Variants in KIF2A observed in about 807,000 individuals in gnomAD.
KIF2A encodes kinesin family member 2A, also known as kinesin-like protein KIF2A.
KIF2A carries 22 observed loss-of-function variants against 100.2 expected under a neutral mutation model. That is an observed-to-expected ratio of 0.22 (90% CI 0.16 to 0.31). The LOEUF (loss-of-function observed/expected upper bound fraction) is 0.31. KIF2A is among the 10% of genes least tolerant of loss of function. KIF2A has a pLI of 1.00. For missense variants in KIF2A, 495 were observed against 898.7 expected (o/e 0.55, Z 5.74); for synonymous variants, 268 against 285.9 (o/e 0.94, Z 0.63).
At chr5:62,319,141 C>T (rs1177861328) in intron 1 of KIF2A, among the ~76,000 whole-genome samples, 1 of 148,054 alleles carries the variant, frequency 6.8e-6, no homozygotes, top group Non-Finnish European at 1.5e-5. Context: ...GGCCTCTCTA[C>T]CTAGGAGAGT....
intron 7 of KIF2A, 98 bp downstream of exon 7, chr5:62,355,352 T>C (rs1748047008): frequency 3.1e-6 from 2 of 638,506 alleles, no homozygotes; most frequent in East Asian, 5.4e-5. Flanking sequence ...AGCTATGTAG[T>C]TTTTCCTTTC....
intron 18 of KIF2A, among the ~76,000 whole-genome samples, chr5:62,374,194 A>G (rs1333003152): frequency 6.6e-6 from 1 of 152,248 alleles, no homozygotes; most frequent in Non-Finnish European, 1.5e-5. Context: ...CCTAGGTGAC[A>G]GAGCGAGACC....
At position 62,355,267 on chromosome 5, in the gene KIF2A, GTAAACCAT is replaced by G; in HGVS notation, c.654+16_654+23del. 7.5e-7 allele frequency: 1 copy of G among 1,324,618 alleles called. No individual in the cohort carries two copies. The highest frequency in any genetic ancestry group is 1.1e-6 in the Non-Finnish European group (1 of 930,900). The allele number at this position is 1,324,618 out of a possible 1,614,324, so 82.1% of individuals were successfully genotyped here. On this transcript the variant is annotated intron_variant, in intron 7 of 20. Coordinates refer to ENST00000407818, the MANE Select transcript of KIF2A (RefSeq NM_001098511.3). ...AACAGCAGATCCTGTAAGATTCTTT[GTAAACCAT>G]TATTCTGGAACTTTTTATGCTTCAA...
chr5:62,339,698 G>T (rs1341456352), intron 1 of KIF2A, among the ~76,000 whole-genome samples: 1 of 150,090 alleles, frequency 6.7e-6, no homozygotes, highest in Non-Finnish European at 1.5e-5. Context: ...ATACTATATT[G>T]TAGTGAAAAT....
In KIF2A at chr5:62,363,927, G is replaced by A. The variant is rs111550210; in HGVS notation, c.1467+28G>A. 7.1e-5 allele frequency: 108 copies of A among 1,528,376 alleles called. No individual in the cohort carries two copies. In the African/African-American group the frequency reaches 1.2e-3, roughly 17 times the overall value. 94.7% of individuals were successfully genotyped at this position (1,528,376 alleles called of 1,614,324 possible). ...AAATAAAATGTATTTTATCATGAAA[G>A]GTCTTTTACTTTTGACTTTAATTTT... is the stretch of plus-strand genomic sequence containing the variant. On this transcript the variant is annotated intron_variant, in intron 14 of 20. Transcript: ENST00000407818.
chr5:62,314,770 T>TG (rs912945400), intron 1 of KIF2A, among the ~76,000 whole-genome samples: 1 of 147,848 alleles, frequency 6.8e-6, no homozygotes, highest in Admixed American at 6.8e-5. Flanking sequence ...TTTTTTTTTT[T>TG]TTTTTTTTTT....
At chr5:62,375,285 A>G (rs954823285) in intron 18 of KIF2A, among the ~76,000 whole-genome samples, 45 of 152,236 alleles carry the variant, frequency 3.0e-4, no homozygotes, top group South Asian at 2.1e-4. Flanking sequence ...GTGTCATTCT[A>G]TTCCCACTAA....
chr5:62,339,061 A>G (rs1303763014), intron 1 of KIF2A, among the ~76,000 whole-genome samples: 1 of 152,204 alleles, frequency 6.6e-6, no homozygotes, highest in Non-Finnish European at 1.5e-5. Context: ...CCCATCTTTC[A>G]TTGCTATAAA....
Position 62,386,655 on chromosome 5 carries a change from TGAAA to T in KIF2A, c.*1089_*1092del, listed in dbSNP as rs1742039856. ...TTACTCCCTTGAAAAAGAATTAAGT[TGAAA>T]GAGTTGACTTTGCCTTAAAAGGCAG... On this transcript the variant is annotated 3_prime_UTR_variant, in exon 21 of 21. Transcript: ENST00000407818. 6.6e-6 allele frequency among the ~76,000 whole-genome samples: 1 copy of T among 152,214 alleles called. No homozygotes were observed. Among genetic ancestry groups the T allele is most frequent in the Non-Finnish European group, 1.5e-5 (1 of 68,036 alleles).
At chr5:62,363,080 A>T (rs1032753773) in intron 12 of KIF2A, 98 bp from the exon 13 acceptor site, 76 of 974,250 alleles carry the variant, frequency 7.8e-5, no homozygotes, top group Non-Finnish European at 1.1e-4. Context: ...CTCCTGCCTC[A>T]GCCTCCCAAA....
chr5:62,345,188 G>T (rs1253594760), intron 1 of KIF2A, among the ~76,000 whole-genome samples: 1 of 152,246 alleles, frequency 6.6e-6, no homozygotes, highest in South Asian at 2.1e-4. Context: ...AGGAGTTCGA[G>T]ACTAGCCTGG....
At chr5:62,322,713 T>C (rs1316588011) in intron 1 of KIF2A, among the ~76,000 whole-genome samples, 1 of 152,136 alleles carries the variant, frequency 6.6e-6, no homozygotes, top group East Asian at 1.9e-4. Flanking sequence ...GCCTTTTATC[T>C]GTGTACCTAC....
chr5:62,322,898 C>T (rs1205863396), intron 1 of KIF2A, among the ~76,000 whole-genome samples: 2 of 97,422 alleles, frequency 2.1e-5, no homozygotes, highest in Non-Finnish European at 3.9e-5. Context: ...TTTAATGTTA[C>T]TTTAAAATAG....
At chr5:62,343,006 C>A (rs1358158897) in intron 1 of KIF2A, among the ~76,000 whole-genome samples, 1 of 152,156 alleles carries the variant, frequency 6.6e-6, no homozygotes, top group Non-Finnish European at 1.5e-5. Flanking sequence ...CCCGCCTCAG[C>A]CTCCCAAAGT....
At chr5:62,361,567 C>T in intron 11 of KIF2A, 38 bp downstream of exon 11, 1 of 1,155,836 alleles carries the variant, frequency 8.7e-7, no homozygotes, top group Non-Finnish European at 1.3e-6. Flanking sequence ...GAATATTCTT[C>T]TGTGGTATTA....
In KIF2A at chr5:62,373,712, A is replaced by G. The variant is rs1471087520; in HGVS notation, c.1786A>G (p.Thr596Ala). ...GGTCAAAGAATTGACTGTAGATCCA[A>G]CTGCTGCTGGTGATGTTCGTCCAAT... ...TRVKELTVDP[T>A]AAGDVRPIMH... The change falls in exon 18 of 21, where the codon ACT becomes GCT. Residue 596 changes from threonine (T) to alanine (A), a missense_variant. By Grantham distance (58) the Thr-to-Ala change is moderately conservative. This residue lies in a region of KIF2A where 100 missense variants were observed against 138.2 expected (regional missense o/e 0.72). Transcript: ENST00000407818. The G allele has an allele frequency of 3.7e-6, 6 of 1,613,598 alleles. No individual in the cohort carries two copies. Among genetic ancestry groups the G allele is most frequent in the East Asian group, 2.2e-5 (1 of 44,894 alleles).
chr5:62,383,860 A>C (rs1561284580), intron 20 of KIF2A, among the ~76,000 whole-genome samples: 1 of 152,200 alleles, frequency 6.6e-6, no homozygotes, highest in East Asian at 1.9e-4. Context: ...TGTATCAAGC[A>C]TATCCATAAC....
At chr5:62,353,218 A>C in intron 5 of KIF2A, 57 bp from the exon 6 acceptor site, 1 of 947,272 alleles carries the variant, frequency 1.1e-6, no homozygotes, top group Non-Finnish European at 1.5e-6. Flanking sequence ...AAAAAAGTTT[A>C]ATATTAGTAC....
chr5:62,330,212 G>A (rs1746564844), intron 1 of KIF2A, among the ~76,000 whole-genome samples: 1 of 152,098 alleles, frequency 6.6e-6, no homozygotes, highest in Admixed American at 6.6e-5. Flanking sequence ...ATAGCCAGGT[G>A]TGGTGGCAGG....
Sources: gnomAD v4.1 joint callset for allele counts (sites outside exome capture counted in the v4.1 genomes callset) on GRCh38, gnomAD v4.1.1 for gene constraint, gnomAD v4.1.1 regional missense constraint, MANE v1.5 for transcripts, NCBI Gene and HGNC (gene_info 2026-07-23, HGNC 2026-07-21) for gene names.